Variants in STK3 observed in about 807,000 individuals in gnomAD.
The protein encoded by STK3 is serine/threonine kinase 3.
A neutral mutation model predicts 58.0 loss-of-function variants in STK3; 41 were observed. The observed-to-expected ratio is 0.71, with a 90% CI of 0.55 to 0.92. STK3 has a LOEUF of 0.92. STK3 is among the 40% of genes least tolerant of loss of function. The pLI, the probability that STK3 is intolerant of heterozygous loss-of-function variation, is 0.00. For missense variants in STK3, 479 were observed against 602.7 expected (o/e 0.79, Z 2.15); for synonymous variants, 170 against 191.0 (o/e 0.89, Z 0.91).
chr8:98,351,954 T>C, the STK3 span, among the ~76,000 whole-genome samples: 2 of 151,956 alleles, frequency 1.3e-5, no homozygotes, highest in African/African-American at 2.4e-5. Context: ...GGTCAGGAGA[T>C]CGAGACCATC....
At chr8:98,631,660 G>GGT (rs1819251459) in intron 6 of STK3, among the ~76,000 whole-genome samples, 1 of 151,464 alleles carries the variant, frequency 6.6e-6, no homozygotes, top group Admixed American at 6.6e-5. Context: ...TATAGTTTTC[G>GGT]TTTTTTTGTG....
At chr8:98,712,007 C>A (rs957776669) in intron 4 of STK3, among the ~76,000 whole-genome samples, 8 of 152,150 alleles carry the variant, frequency 5.3e-5, no homozygotes, top group Non-Finnish European at 1.0e-4. Flanking sequence ...GAATTTTCAA[C>A]CCAGAATTTC....
chr8:98,355,845 T>C, the STK3 span, among the ~76,000 whole-genome samples: 1 of 152,194 alleles, frequency 6.6e-6, no homozygotes, highest in Non-Finnish European at 1.5e-5. Context: ...CCTGGTCCCC[T>C]GAGGTTGGAT....
At chr8:98,361,684 C>A in the STK3 span, among the ~76,000 whole-genome samples, 1 of 152,156 alleles carries the variant, frequency 6.6e-6, no homozygotes. Flanking sequence ...TTAACAACGA[C>A]AAAGCAGCGT....
downstream of STK3, chr8:98,881,056 T>G (rs891516445): frequency 1.3e-5 from 2 of 152,234 alleles, no homozygotes; most frequent in African/African-American, 4.8e-5. Context: ...CAATAACATA[T>G]AGCATATTAT....
intron 6 of STK3, chr8:98,598,765 A>T: frequency 1.0e-6 from 1 of 985,460 alleles, no homozygotes; most frequent in Non-Finnish European, 1.2e-6. Flanking sequence ...TTGATTGAAG[A>T]ATGTTAGTAA....
Position 98,894,092 on chromosome 8 carries a change from T to C in STK3, c.-78-10258A>G, listed in dbSNP as rs531676719. The stretch of plus-strand genomic sequence containing the variant: ...GATGTTTCTGGGCAATACAAAAATA[T>C]CTTCTTCCTTCTATCCCGTGATAGG... On this transcript the variant is annotated intron_variant, in intron 1 of 1. Transcript: ENST00000519420. 3.9e-5 allele frequency among the ~76,000 whole-genome samples: 6 copies of C among 152,292 alleles called. No individual in the cohort carries two copies. The South Asian group carries it at 1.2e-3, about 32-fold the overall frequency.
chr8:98,524,614 T>C (rs1432084385), intron 10 of STK3, among the ~76,000 whole-genome samples: 2 of 152,254 alleles, frequency 1.3e-5, no homozygotes, highest in South Asian at 2.1e-4. Context: ...CTATTATCAA[T>C]GGACACTGTG....
At chr8:98,818,565 T>TGC (rs1834695213) in intron 1 of STK3, among the ~76,000 whole-genome samples, 1 of 151,896 alleles carries the variant, frequency 6.6e-6, no homozygotes, top group South Asian at 2.1e-4. Context: ...TGTGTGTGTG[T>TGC]GTGTGTGTAT....
rs144031950 is a variant in STK3 at position 98,923,668 on chromosome 8, C to T, written c.-79+18710G>A. 7.1e-3 allele frequency among the ~76,000 whole-genome samples: 1,075 copies of T among 152,218 alleles called. 10 individuals are homozygous for T. Among genetic ancestry groups the T allele is most frequent in the African/African-American group, 0.024 (1,007 of 41,516 alleles). ...CCCACAGTACAAGGGTGAATGGTCA[C>T]TCAACCAGAGATATAAATAAGATGG... On this transcript the variant is annotated intron_variant, in intron 1 of 1. Transcript: ENST00000519420.
At chr8:98,353,348 G>C in the STK3 span, among the ~76,000 whole-genome samples, 4 of 152,110 alleles carry the variant, frequency 2.6e-5, no homozygotes, top group Non-Finnish European at 4.4e-5. Flanking sequence ...AAAATTATCT[G>C]GGTGTGGTTG....
At chr8:98,661,653 T>C (rs371722233) in intron 6 of STK3, among the ~76,000 whole-genome samples, 253 of 152,214 alleles carry the variant, frequency 1.7e-3, no homozygotes, top group African/African-American at 5.8e-3. Context: ...TCCCAAATAA[T>C]ATACAGGTCA....
chr8:98,836,922 C>T (rs1835768002), intron 3 of STK3, among the ~76,000 whole-genome samples: 1 of 152,056 alleles, frequency 6.6e-6, no homozygotes, highest in Non-Finnish European at 1.5e-5. Flanking sequence ...AATTTTAAAA[C>T]ACAAGATACA....
At position 98,854,724 on chromosome 8, in the gene STK3, T is replaced by C. The variant is rs191188206; in HGVS notation, c.110+28923A>G. ...CTAAATAAATGAATAAAATGTCCCA[T>C]GTTCATGGATCAAAAGACTTAACAT... On this transcript the variant is annotated intron_variant, in intron 3 of 12. Coordinates refer to the STK3 transcript ENST00000523601. Among the ~76,000 whole-genome samples the C allele has an allele frequency of 3.2e-3, 481 of 152,258 alleles. 1 individual carries two copies. The highest frequency in any genetic ancestry group is 0.024 in the Middle Eastern group (7 of 294).
At chr8:98,436,326 G>T (rs1818487243) in intron 2 of STK3, among the ~76,000 whole-genome samples, 1 of 152,054 alleles carries the variant, frequency 6.6e-6, no homozygotes, top group South Asian at 2.1e-4. Context: ...CACCTGCAAA[G>T]GACCCCTGTG....
At chr8:98,394,585 A>C (rs748029678) in intron 3 of STK3, among the ~76,000 whole-genome samples, 10 of 152,230 alleles carry the variant, frequency 6.6e-5, no homozygotes, top group Non-Finnish European at 1.5e-4. Context: ...GAATTCTTCC[A>C]AATAGTGAAA....
chr8:98,395,585 A>G (rs1817890118), intron 3 of STK3, among the ~76,000 whole-genome samples: 1 of 152,274 alleles, frequency 6.6e-6, no homozygotes, highest in Admixed American at 6.5e-5. Context: ...GCTAACTATT[A>G]TTCATTATTT....
intron 1 of STK3, among the ~76,000 whole-genome samples, chr8:98,805,504 G>A (rs1273859074): frequency 6.6e-6 from 1 of 152,024 alleles, no homozygotes; most frequent in African/African-American, 2.4e-5. Flanking sequence ...GAACCCAGGA[G>A]GCAGAGTTGC....
intron 1 of STK3, among the ~76,000 whole-genome samples, chr8:98,918,719 T>A (rs1007874482): frequency 1.3e-5 from 2 of 151,978 alleles, no homozygotes; most frequent in Non-Finnish European, 2.9e-5. Context: ...AGTGAGTCAT[T>A]GATTGCACCA....
Sources: allele counts gnomAD v4.1 joint callset (sites outside exome capture counted in the v4.1 genomes callset), GRCh38; gene constraint gnomAD v4.1.1; transcripts MANE v1.5; gene names NCBI Gene and HGNC (gene_info 2026-07-23, HGNC 2026-07-21).